The following LRFN5 variants were observed in gnomAD, a reference collection of about 807,000 sequenced individuals.
The protein encoded by LRFN5 is leucine-rich repeat and fibronectin type-III domain-containing protein 5.
Under a neutral mutation model 45.6 loss-of-function variants are expected in LRFN5, and 24 were observed. The observed-to-expected ratio is 0.53, with a 90% confidence interval of 0.38 to 0.74. LRFN5 has a LOEUF of 0.74. LRFN5 is among the 30% of genes least tolerant of loss of function. The pLI is 0.00. For synonymous variants in LRFN5, 340 were observed against 313.8 expected (o/e 1.08, Z -0.88); for missense variants, 776 against 861.5 (o/e 0.90, Z 1.24).
intron 1 of LRFN5, among the ~76,000 whole-genome samples, chr14:41,761,602 C>A (rs578008129): frequency 1.3e-5 from 2 of 151,958 alleles, no homozygotes; most frequent in African/African-American, 4.8e-5. Flanking sequence ...TGTCAGAGCA[C>A]AACATGAGCT....
chr14:41,721,339 C>T (rs930809854), intron 1 of LRFN5, among the ~76,000 whole-genome samples: 1 of 151,992 alleles, frequency 6.6e-6, no homozygotes, highest in Middle Eastern at 3.2e-3. Flanking sequence ...CAATTCTGTG[C>T]CTGTTAAATG....
chr14:41,622,571 A>C (rs1888174249), intron 1 of LRFN5, among the ~76,000 whole-genome samples: 1 of 152,122 alleles, frequency 6.6e-6, no homozygotes, highest in African/African-American at 2.4e-5. Flanking sequence ...CATAATTATC[A>C]TACTTTAAAA....
In LRFN5 at chr14:41,778,678, C is replaced by T. The variant is rs553905265; in HGVS notation, c.-21+11649C>T. Among the ~76,000 whole-genome samples, 8 of 151,866 alleles carry T rather than the reference C, an allele frequency of 5.3e-5. No individual in the cohort carries two copies. In the South Asian group the frequency reaches 1.7e-3, roughly 31 times the overall value. On this transcript the variant is annotated intron_variant, in intron 2 of 5. Transcript: ENST00000298119. ...CTACCACTCAGTTCAAGAAACAGAA[C>T]ATTGTTATGATCCCTTTCTGCCTCT...
chr14:41,838,358 A>T (rs34796076), intron 2 of LRFN5, among the ~76,000 whole-genome samples: 20,444 of 152,072 alleles, frequency 0.13, 1,467 homozygotes, highest in East Asian at 0.22. Flanking sequence ...ATGAAGTAGG[A>T]CTCCGTGGAC....
intron 2 of LRFN5, among the ~76,000 whole-genome samples, chr14:41,800,154 A>G (rs1319520538): frequency 6.6e-6 from 1 of 152,036 alleles, no homozygotes; most frequent in Admixed American, 6.6e-5. Flanking sequence ...GGTCACTTAA[A>G]ATTTCAAGTT....
At chr14:41,869,403 T>C (rs776005278) in intron 2 of LRFN5, among the ~76,000 whole-genome samples, 29 of 152,080 alleles carry the variant, frequency 1.9e-4, no homozygotes, top group South Asian at 1.2e-3. Flanking sequence ...AGTCTGCTAT[T>C]CCTCATTGTG....
chr14:41,691,805 A>G (rs868201901), intron 1 of LRFN5, among the ~76,000 whole-genome samples: 4 of 152,082 alleles, frequency 2.6e-5, no homozygotes, highest in African/African-American at 9.7e-5. Context: ...CTGATGTCTA[A>G]CACTGTGGAT....
At chr14:41,730,918 A>G (rs1410557239) in intron 1 of LRFN5, among the ~76,000 whole-genome samples, 1 of 152,054 alleles carries the variant, frequency 6.6e-6, no homozygotes, top group Non-Finnish European at 1.5e-5. Context: ...TAATTGAATG[A>G]AAGGTTCTCA....
At chr14:41,847,521 A>T (rs10145233) in intron 2 of LRFN5, among the ~76,000 whole-genome samples, 7,065 of 152,178 alleles carry the variant, frequency 0.046, 571 homozygotes, top group African/African-American at 0.16. Flanking sequence ...TTAAAATTAC[A>T]TCACCATGGT....
chr14:41,773,847 T>A (rs998979457), intron 2 of LRFN5, among the ~76,000 whole-genome samples: 1 of 152,236 alleles, frequency 6.6e-6, no homozygotes, highest in Non-Finnish European at 1.5e-5. Context: ...TATGCTGATA[T>A]ATTGTCTCTT....
At chr14:41,889,172 A>G (rs1459335720) in intron 3 of LRFN5, among the ~76,000 whole-genome samples, 1 of 151,012 alleles carries the variant, frequency 6.6e-6, no homozygotes, top group African/African-American at 2.4e-5. Context: ...ATCAGTTCCT[A>G]TGTACCCAGG....
intron 1 of LRFN5, among the ~76,000 whole-genome samples, chr14:41,647,349 CCAAA>C: frequency 6.6e-6 from 1 of 152,054 alleles, no homozygotes; most frequent in Non-Finnish European, 1.5e-5. Context: ...CAAATGCCAC[CCAAA>C]GAAGTTTGGG....
At chr14:41,687,158 AC>A (rs545146059) in intron 1 of LRFN5, among the ~76,000 whole-genome samples, 164 of 152,220 alleles carry the variant, frequency 1.1e-3, no homozygotes, top group African/African-American at 3.5e-3. Flanking sequence ...CAATAAAAAA[AC>A]ATCAAAAATG....
intron 2 of LRFN5, among the ~76,000 whole-genome samples, chr14:41,874,861 T>C (rs1052538126): frequency 6.6e-6 from 1 of 152,152 alleles, no homozygotes; most frequent in South Asian, 2.1e-4. Flanking sequence ...AACATGTCCT[T>C]CTTCACATGG....
intron 2 of LRFN5, among the ~76,000 whole-genome samples, chr14:41,772,530 G>A (rs1248673725): frequency 6.6e-6 from 1 of 151,978 alleles, no homozygotes; most frequent in African/African-American, 2.4e-5. Flanking sequence ...GAGCAAATTA[G>A]ACATGCTATC....
At chr14:41,768,675 A>G (rs1299411676) in intron 2 of LRFN5, among the ~76,000 whole-genome samples, 2 of 151,766 alleles carry the variant, frequency 1.3e-5, no homozygotes, top group African/African-American at 2.4e-5. Flanking sequence ...CCCACAAGAA[A>G]CTCCAGAGAT....
At chr14:41,697,120 T>C (rs1007035469) in intron 1 of LRFN5, among the ~76,000 whole-genome samples, 2 of 152,004 alleles carry the variant, frequency 1.3e-5, no homozygotes, top group East Asian at 3.8e-4. Context: ...TTTTCTTCAG[T>C]ATTTTCTAAT....
Position 41,846,442 on chromosome 14 carries a change from C to T in LRFN5, c.-20-40164C>T, listed in dbSNP as rs1482470319. Reference sequence around the variant, plus strand: ...TATAGCAATGAAAGTGAAAACAATACAGCAGGGATTAACCTCACAAACTAT... The same window carrying T: ...TATAGCAATGAAAGTGAAAACAATATAGCAGGGATTAACCTCACAAACTAT... On this transcript the variant is annotated intron_variant, in intron 2 of 5. Transcript: ENST00000298119. Among the ~76,000 whole-genome samples the T allele has an allele frequency of 2.6e-5, 4 of 152,172 alleles. No homozygotes were observed. The East Asian group carries it at 7.7e-4, about 29-fold the overall frequency.
chr14:41,713,304 A>G (rs1480082219), intron 1 of LRFN5, among the ~76,000 whole-genome samples: 1 of 152,112 alleles, frequency 6.6e-6, no homozygotes, highest in Non-Finnish European at 1.5e-5. Context: ...TTTAGGCAAC[A>G]TATTAACAAT....
Sources: gnomAD v4.1 joint callset for allele counts (sites outside exome capture counted in the v4.1 genomes callset) on GRCh38, gnomAD v4.1.1 for gene constraint, MANE v1.5 for transcripts, NCBI Gene and HGNC (gene_info 2026-07-23, HGNC 2026-07-21) for gene names.